Variants in PIP5K1B observed in about 807,000 individuals in gnomAD.
The protein encoded by PIP5K1B is phosphatidylinositol 4-phosphate 5-kinase type-1 beta.
In PIP5K1B, 42 loss-of-function variants were observed where a neutral mutation model predicts 67.0. That is an observed-to-expected ratio of 0.63 (90% CI 0.49 to 0.81). The LOEUF (loss-of-function observed/expected upper bound fraction) is 0.81, where lower values mean the gene tolerates loss of function less well. Ranked by LOEUF, PIP5K1B falls within the 30% of genes least tolerant of loss-of-function variation. PIP5K1B has a pLI of 0.00. For missense variants in PIP5K1B, 459 were observed against 646.3 expected (o/e 0.71, Z 3.14); for synonymous variants, 214 against 231.4 (o/e 0.92, Z 0.68).
chr9:68,746,874 T>C (rs186507201), intron 2 of PIP5K1B, among the ~76,000 whole-genome samples: 56 of 152,228 alleles, frequency 3.7e-4, no homozygotes, highest in Middle Eastern at 3.4e-3. Flanking sequence ...TGCAGCCCCA[T>C]GAAAGCAGCA....
chr9:68,786,775 T>G (rs190485733), intron 2 of PIP5K1B, among the ~76,000 whole-genome samples: 2 of 152,336 alleles, frequency 1.3e-5, no homozygotes, highest in East Asian at 3.9e-4. Context: ...GACTGGTAGC[T>G]AACTGTTGTA....
At chr9:68,908,886 A>G (rs1825735012) in intron 8 of PIP5K1B, among the ~76,000 whole-genome samples, 1 of 152,238 alleles carries the variant, frequency 6.6e-6, no homozygotes. Flanking sequence ...TTGTTCAGGA[A>G]CTAGATTCTA....
chr9:69,005,914 C>T (rs1831057551), intron 15 of PIP5K1B, among the ~76,000 whole-genome samples: 2 of 151,560 alleles, frequency 1.3e-5, no homozygotes, highest in Admixed American at 6.6e-5. Flanking sequence ...GGGTCTCTCT[C>T]CGTCACCCAG....
intron 14 of PIP5K1B, among the ~76,000 whole-genome samples, chr9:68,950,035 G>C (rs1827982889): frequency 6.6e-6 from 1 of 152,326 alleles, no homozygotes; most frequent in African/African-American, 2.4e-5. Flanking sequence ...TAAGGAGGCA[G>C]CTTTAGGCTA....
At chr9:68,815,111 C>T (rs891769236) in intron 2 of PIP5K1B, among the ~76,000 whole-genome samples, 1 of 151,828 alleles carries the variant, frequency 6.6e-6, no homozygotes, top group South Asian at 2.1e-4. Flanking sequence ...AATTAAGAAG[C>T]CTTCTTATAG....
chr9:68,850,873 C>G (rs4145885), intron 4 of PIP5K1B, among the ~76,000 whole-genome samples: 64,952 of 151,972 alleles, frequency 0.43, 13,886 homozygotes, highest in Admixed American at 0.46. Flanking sequence ...GGATATTATA[C>G]TGTGTTACAT....
intron 1 of PIP5K1B, among the ~76,000 whole-genome samples, chr9:68,723,405 G>C (rs886544878): frequency 1.3e-5 from 2 of 148,488 alleles, no homozygotes; most frequent in African/African-American, 5.0e-5. Flanking sequence ...TTTTTCTTTT[G>C]AGGAACTTAC....
intron 12 of PIP5K1B, among the ~76,000 whole-genome samples, chr9:68,924,175 G>A (rs543036298): frequency 6.6e-6 from 1 of 150,776 alleles, no homozygotes; most frequent in South Asian, 2.1e-4. Context: ...GCTGAGGCGG[G>A]CAGATCACTT....
intron 11 of PIP5K1B, 40 bp downstream of exon 11, chr9:68,919,769 T>G: frequency 8.5e-7 from 1 of 1,173,996 alleles, no homozygotes. Flanking sequence ...TATATATTTC[T>G]GCTTTCTCAG....
intron 4 of PIP5K1B, among the ~76,000 whole-genome samples, chr9:68,860,502 A>C (rs1216234275): frequency 6.6e-6 from 1 of 152,192 alleles, no homozygotes; most frequent in African/African-American, 2.4e-5. Flanking sequence ...TGGAAGAAAT[A>C]AAATTTTTAC....
At chr9:68,972,972 T>C (rs1190783134) in intron 14 of PIP5K1B, among the ~76,000 whole-genome samples, 3 of 152,212 alleles carry the variant, frequency 2.0e-5, no homozygotes, top group Admixed American at 1.3e-4. Context: ...GGCAAGCAGA[T>C]GGTAGACACT....
At chr9:68,743,905 C>T (rs1465398719) in intron 2 of PIP5K1B, among the ~76,000 whole-genome samples, 1 of 152,080 alleles carries the variant, frequency 6.6e-6, no homozygotes, top group African/African-American at 2.4e-5. Flanking sequence ...ATGAATGTAC[C>T]GGGAATCCTG....
intron 3 of PIP5K1B, among the ~76,000 whole-genome samples, chr9:68,819,305 C>T (rs555755933): frequency 5.5e-4 from 83 of 152,210 alleles, no homozygotes; most frequent in African/African-American, 1.5e-3. Context: ...ACAGGCTCTT[C>T]CTTTATTGCC....
intron 4 of PIP5K1B, among the ~76,000 whole-genome samples, chr9:68,860,378 C>T (rs1338249244): frequency 2.0e-5 from 3 of 152,110 alleles, no homozygotes; most frequent in African/African-American, 4.8e-5. Context: ...AGCAAAATGC[C>T]GCCTTTTGTT....
chr9:68,929,736 C>G (rs1053031610), intron 12 of PIP5K1B, among the ~76,000 whole-genome samples: 1 of 152,198 alleles, frequency 6.6e-6, no homozygotes, highest in African/African-American at 2.4e-5. Context: ...GTGGCACTAT[C>G]TCAGCTCACT....
chr9:68,730,760 C>A (rs534889563), intron 1 of PIP5K1B, among the ~76,000 whole-genome samples: 4 of 152,224 alleles, frequency 2.6e-5, no homozygotes, highest in Admixed American at 1.3e-4. Context: ...ACAATAAATT[C>A]CAAAGATTCA....
intron 2 of PIP5K1B, among the ~76,000 whole-genome samples, chr9:68,777,783 G>A (rs1000816941): frequency 1.3e-5 from 2 of 152,210 alleles, no homozygotes; most frequent in Admixed American, 1.3e-4. Flanking sequence ...TAATAATGTA[G>A]TAATATGAAG....
chr9:68,981,223 G>A (rs1401540673), intron 14 of PIP5K1B, among the ~76,000 whole-genome samples: 2 of 152,092 alleles, frequency 1.3e-5, no homozygotes, highest in African/African-American at 4.8e-5. Flanking sequence ...TAAAGGATAC[G>A]GTGTGTGGTT....
intron 2 of PIP5K1B, among the ~76,000 whole-genome samples, chr9:68,767,533 G>C (rs1444920121): frequency 6.6e-6 from 1 of 150,684 alleles, no homozygotes; most frequent in Non-Finnish European, 1.5e-5. Context: ...GGTGGAAGCT[G>C]CAGTGAGCCG....
Sources: allele counts gnomAD v4.1 joint callset (sites outside exome capture counted in the v4.1 genomes callset), GRCh38; gene constraint gnomAD v4.1.1; transcripts MANE v1.5; gene names NCBI Gene and HGNC (gene_info 2026-07-23, HGNC 2026-07-21).